The following MDGA1 variants were observed in gnomAD, a reference collection of about 807,000 sequenced individuals.
The protein encoded by MDGA1 is MAM domain-containing glycosylphosphatidylinositol anchor protein 1.
A neutral mutation model predicts 101.5 loss-of-function variants in MDGA1; 54 were observed. That is an observed-to-expected ratio of 0.53 (90% CI 0.43 to 0.67). The LOEUF is 0.67. Among genes scored for constraint, MDGA1 ranks in the 30% least tolerant of loss-of-function variants. The pLI is 0.00. For synonymous variants in MDGA1, 533 were observed against 558.3 expected (o/e 0.95, Z 0.64); for missense variants, 1,083 against 1,323.8 (o/e 0.82, Z 2.82).
chr6:37,662,566 G>A (rs569679509), intron 2 of MDGA1, among the ~76,000 whole-genome samples: 42 of 151,002 alleles, frequency 2.8e-4, no homozygotes, highest in Middle Eastern at 6.8e-3. Flanking sequence ...AGCACAGGAG[G>A]TCAAGGCTAC....
At position 37,674,475 on chromosome 6, in the gene MDGA1, G is replaced by A. The variant is rs144956463; in HGVS notation, c.68-10369C>T. On this transcript the variant is annotated intron_variant, in intron 1 of 16. Coordinates refer to ENST00000434837, the MANE Select transcript of MDGA1 (RefSeq NM_153487.4). ...GCTGGCACCCTTACAACTCTCCTCTGCTGCAAGTGGCGGCTGGTCCATTAT... is the reference window on the plus strand; with the variant it reads ...GCTGGCACCCTTACAACTCTCCTCTACTGCAAGTGGCGGCTGGTCCATTAT... Among the ~76,000 whole-genome samples the A allele has an allele frequency of 2.1e-4, 32 of 152,324 alleles. No homozygotes were observed. The East Asian group carries it at 4.6e-3, about 22-fold the overall frequency.
At chr6:37,677,315 A>G (rs893311612) in intron 1 of MDGA1, among the ~76,000 whole-genome samples, 1 of 152,186 alleles carries the variant, frequency 6.6e-6, no homozygotes, top group Non-Finnish European at 1.5e-5. Flanking sequence ...CTATCCTATG[A>G]CCTGTTAGGC....
intron 1 of MDGA1, among the ~76,000 whole-genome samples, chr6:37,695,182 T>C (rs1268958179): frequency 6.6e-6 from 1 of 152,010 alleles, no homozygotes; most frequent in African/African-American, 2.4e-5. Context: ...GGAAGGGCTC[T>C]CCATCACCCT....
chr6:37,654,796 G>A lies in MDGA1; in HGVS notation c.712+4C>T. 1 of 1,613,754 alleles carries A rather than the reference G, an allele frequency of 6.2e-7. No individual in the cohort carries two copies. The highest frequency in any genetic ancestry group is 1.7e-5 in the Admixed American group (1 of 60,002). On this transcript the variant is annotated splice_donor_region_variant and intron_variant, in intron 5 of 16. Transcript: ENST00000434837. ...AAGGAGTATGGGGAGGAAAATGCCT[G>A]TACCCGTGGTGTTGGTGAGCCGGAA...
chr6:37,642,656 T>TA (rs1351648793), intron 14 of MDGA1, among the ~76,000 whole-genome samples: 1 of 152,108 alleles, frequency 6.6e-6, no homozygotes, highest in African/African-American at 2.4e-5. Flanking sequence ...AAAACAATTT[T>TA]AAAAAAATCA....
intron 1 of MDGA1, chr6:37,664,440 T>C (rs1270466713): frequency 9.4e-6 from 2 of 212,084 alleles, no homozygotes; most frequent in South Asian, 1.5e-4. Flanking sequence ...TGGCGGTGGA[T>C]GCCATCGGTG....
At chr6:37,651,694 T>C (rs187714857) in intron 7 of MDGA1, among the ~76,000 whole-genome samples, 1 of 152,320 alleles carries the variant, frequency 6.6e-6, no homozygotes, top group East Asian at 1.9e-4. Context: ...GAGGCTGCAC[T>C]GCCCTCAGGG....
intron 2 of MDGA1, 22 bp downstream of exon 2, chr6:37,663,945 C>A (rs1456683682): frequency 3.7e-6 from 6 of 1,613,080 alleles, no homozygotes; most frequent in Admixed American, 1.7e-5. Flanking sequence ...GGGGCCTGAG[C>A]AAGGCTGGGC....
At chr6:37,642,656 T>A (rs1010776360) in intron 14 of MDGA1, among the ~76,000 whole-genome samples, 3 of 152,226 alleles carry the variant, frequency 2.0e-5, no homozygotes, top group East Asian at 3.9e-4. Context: ...AAAACAATTT[T>A]AAAAAAATCA....
rs868326761 is a variant in MDGA1 at position 37,696,200 on chromosome 6, C to G, written c.67+545G>C. Among the ~76,000 whole-genome samples, 7 of 152,074 alleles carry G rather than the reference C, an allele frequency of 4.6e-5. No individual in the cohort carries two copies. Among genetic ancestry groups the G allele is most frequent in the African/African-American group, 1.4e-4 (6 of 41,396 alleles). On this transcript the variant is annotated intron_variant, in intron 1 of 16. Transcript: ENST00000434837. The surrounding 1 kb of genome is among the most constrained non-coding windows in gnomAD (Gnocchi z 5.6). ...AAGGTCCGAAAAGGGATGCCGGGGT[C>G]GAAGGCGCCAGGGCCAGGGGATGCC...
At chr6:37,644,067 T>TCACCC (rs1208203791) in intron 13 of MDGA1, 124 bp from the exon 14 acceptor site, 8 of 1,181,032 alleles carry the variant, frequency 6.8e-6, no homozygotes, top group Non-Finnish European at 7.9e-6. Flanking sequence ...GCATCCTGCC[T>TCACCC]CACCCCACGC....
rs1053682506 is a variant in MDGA1, at chr6:37,652,784, T to A, written c.983-444A>T. On this transcript the variant is annotated intron_variant, in intron 6 of 16. Coordinates refer to ENST00000434837, the MANE Select transcript of MDGA1 (RefSeq NM_153487.4). The surrounding 1 kb of genome is among the most constrained non-coding windows in gnomAD (Gnocchi z 4.3). The stretch of plus-strand genomic sequence containing the variant: ...CTGAGCTCTTGACCCCTACAATGCT[T>A]TGTTTTTATCATTGTTTTAAACTTT... Among the ~76,000 whole-genome samples, 41 of 152,220 alleles carry A rather than the reference T, an allele frequency of 2.7e-4. No individual in the cohort carries two copies. The highest frequency in any genetic ancestry group is 5.0e-4 in the Non-Finnish European group (34 of 68,036).
In MDGA1 at chr6:37,654,891, C is replaced by T. The variant is rs1168662980; in HGVS notation, c.621G>A (p.Gln207=). The part of the protein sequence containing the change: ...KVLKLKNLRP[Q]DYASYTCQVS... The stretch of plus-strand genomic sequence containing the variant: ...CCTGGCAGGTGTAGCTGGCATAGTC[C>T]TGGGGCCGCAGGTTCTTCAGCTTCA... Residue 207 remains glutamine, a synonymous_variant, in exon 5 of 17, where the codon CAG becomes CAA. Coordinates refer to ENST00000434837, the MANE Select transcript of MDGA1 (RefSeq NM_153487.4). The T allele has an allele frequency of 3.1e-6, 5 of 1,613,606 alleles. No individual in the cohort carries two copies. The South Asian group carries it at 3.3e-5, about 11-fold the overall frequency.
rs569399431 is a variant in MDGA1 at position 37,635,619 on chromosome 6, C to T, written c.*1749G>A. On this transcript the variant is annotated 3_prime_UTR_variant, in exon 17 of 17. Transcript: ENST00000434837. ...ATGGGCAGCCTTTGCCTCGGTTCCCCGCCTGCCTCCTGGCACTGCAGTGCT... is the reference window on the plus strand; with the variant it reads ...ATGGGCAGCCTTTGCCTCGGTTCCCTGCCTGCCTCCTGGCACTGCAGTGCT... The T allele has an allele frequency of 1.5e-3, 588 of 398,680 alleles. 3 individuals are homozygous for T. Among genetic ancestry groups the T allele is most frequent in the African/African-American group, 9.1e-3 (442 of 48,744 alleles). 24.7% of individuals were successfully genotyped at this position (398,680 alleles called of 1,614,324 possible).
In MDGA1 at chr6:37,631,212, A is replaced by C. The variant is rs78466524; in HGVS notation, c.*6156T>G. Reference sequence around the variant, plus strand: ...AATGCCCATCTGGTTCAGGAAAACCATCCCTGTTGCAACTCCTGTTTGGAT... The same window carrying C: ...AATGCCCATCTGGTTCAGGAAAACCCTCCCTGTTGCAACTCCTGTTTGGAT... On this transcript the variant is annotated 3_prime_UTR_variant, in exon 17 of 17. Transcript: ENST00000434837. The C allele has an allele frequency of 0.11, 17,046 of 152,160 alleles. 1,370 individuals are homozygous for C. Among genetic ancestry groups the C allele is most frequent in the East Asian group, 0.41 (2,135 of 5,166 alleles). 9.4% of individuals were successfully genotyped at this position (152,160 alleles called of 1,614,324 possible).
At position 37,643,950 on chromosome 6, in the gene MDGA1, G is replaced by A. The variant is rs1449490737; in HGVS notation, c.2402-7C>T. 1.2e-6 allele frequency: 2 copies of A among 1,613,218 alleles called. No individual in the cohort carries two copies. Among genetic ancestry groups the A allele is most frequent in the Non-Finnish European group, 1.7e-6 (2 of 1,179,650 alleles). Reference sequence around the variant, plus strand: ...TCGATGAACATGTAGTAGCCTGCGGGGAATGGGGAGATGCGCCAACAGCCC... The same window carrying A: ...TCGATGAACATGTAGTAGCCTGCGGAGAATGGGGAGATGCGCCAACAGCCC... On this transcript the variant is annotated splice_region_variant and splice_polypyrimidine_tract_variant and intron_variant, in intron 13 of 16. Coordinates refer to ENST00000434837, the MANE Select transcript of MDGA1 (RefSeq NM_153487.4).
At position 37,658,234 on chromosome 6, in the gene MDGA1, C is replaced by T; in HGVS notation, c.382+11G>A. On this transcript the variant is annotated intron_variant, in intron 3 of 16. Transcript: ENST00000434837. ...TGTCAGGGCCCGGGGAGAGAGGGGG[C>T]CTCAACTCACACTGCACGTCCACGC... 6.4e-7 allele frequency: 1 copy of T among 1,569,182 alleles called. No homozygotes were observed. The highest frequency in any genetic ancestry group is 8.7e-7 in the Non-Finnish European group (1 of 1,155,924).
intron 1 of MDGA1, among the ~76,000 whole-genome samples, chr6:37,667,606 A>G (rs1025454845): frequency 1.3e-5 from 2 of 152,204 alleles, no homozygotes; most frequent in African/African-American, 4.8e-5. Context: ...TCTCATCAAG[A>G]AACAACCCAC....
chr6:37,689,658 G>A (rs766581473), intron 1 of MDGA1, among the ~76,000 whole-genome samples: 101 of 152,198 alleles, frequency 6.6e-4, no homozygotes, highest in Non-Finnish European at 1.1e-3. Flanking sequence ...TGCAGAGGTC[G>A]AGGCTCTTAA....
Sources: gnomAD v4.1 joint callset for allele counts (sites outside exome capture counted in the v4.1 genomes callset) on GRCh38, gnomAD v4.1.1 for gene constraint, Gnocchi (gnomAD v3.1) non-coding constraint, MANE v1.5 for transcripts, NCBI Gene and HGNC (gene_info 2026-07-23, HGNC 2026-07-21) for gene names.